DIAPH3: variants seen among roughly 807,000 people sequenced by gnomAD.
DIAPH3 encodes protein diaphanous homolog 3.
DIAPH3 carries 117 observed loss-of-function variants against 144.3 expected under a neutral mutation model. That is an observed-to-expected ratio of 0.81 (90% CI 0.70 to 0.95). The LOEUF (loss-of-function observed/expected upper bound fraction) is 0.95, where lower values mean the gene tolerates loss of function less well. DIAPH3 is among the 40% of genes least tolerant of loss of function. The pLI, the probability that DIAPH3 is intolerant of heterozygous loss-of-function variation, is 0.00. For synonymous variants in DIAPH3, 519 were observed against 488.9 expected (o/e 1.06, Z -0.81); for missense variants, 1,421 against 1,412.7 (o/e 1.01, Z -0.09).
At chr13:60,143,988 T>C (rs143982021) in intron 1 of DIAPH3, among the ~76,000 whole-genome samples, 19 of 152,320 alleles carry the variant, frequency 1.2e-4, no homozygotes, top group African/African-American at 4.3e-4. Context: ...AATGATCTCA[T>C]TTCCTTCTTC....
At chr13:59,995,491 C>T (rs2052133798) in intron 9 of DIAPH3, among the ~76,000 whole-genome samples, 1 of 151,812 alleles carries the variant, frequency 6.6e-6, no homozygotes, top group South Asian at 2.1e-4. Context: ...GCAGTTTACC[C>T]CGATATTGGC....
chr13:59,707,097 G>T (rs893305773), intron 27 of DIAPH3, among the ~76,000 whole-genome samples: 22 of 152,104 alleles, frequency 1.4e-4, no homozygotes, highest in African/African-American at 5.3e-4. Flanking sequence ...ACAAAATGAA[G>T]TCATATTCAT....
intron 23 of DIAPH3, among the ~76,000 whole-genome samples, chr13:59,833,629 T>C (rs545473999): frequency 2.0e-5 from 3 of 151,902 alleles, no homozygotes; most frequent in East Asian, 3.9e-4. Context: ...TGCAATGATA[T>C]TGAAATCAAC....
intron 26 of DIAPH3, 141 bp from the exon 27 acceptor site, chr13:59,774,389 C>T: frequency 1.4e-6 from 1 of 725,530 alleles, no homozygotes; most frequent in Non-Finnish European, 2.3e-6. Flanking sequence ...ATACTTGAAG[C>T]AGTAATGTTA....
chr13:59,831,077 T>C (rs1237202691), intron 24 of DIAPH3, among the ~76,000 whole-genome samples: 1 of 151,924 alleles, frequency 6.6e-6, no homozygotes, highest in Non-Finnish European at 1.5e-5. Context: ...GAGCTGGATA[T>C]GTTCCTTCTC....
intron 4 of DIAPH3, among the ~76,000 whole-genome samples, chr13:60,067,360 C>A (rs2141328380): frequency 6.6e-6 from 1 of 152,028 alleles, no homozygotes; most frequent in East Asian, 1.9e-4. Flanking sequence ...TTTACTCAAC[C>A]AACATTTATT....
Position 60,145,465 on chromosome 13 carries a change from G to C in DIAPH3, c.181-12476C>G, listed in dbSNP as rs112049316. 5.8e-3 allele frequency among the ~76,000 whole-genome samples: 882 copies of C among 152,258 alleles called. 8 individuals are homozygous for C. Among genetic ancestry groups the C allele is most frequent in the African/African-American group, 0.02 (832 of 41,542 alleles). On this transcript the variant is annotated intron_variant, in intron 1 of 27. Transcript: ENST00000400324. Reference sequence around the variant, plus strand: ...GATCGAGACCATCCTGGCTAACACAGTGAAACCCCGTCTCTACTAAAAAAA... The same window carrying C: ...GATCGAGACCATCCTGGCTAACACACTGAAACCCCGTCTCTACTAAAAAAA...
chr13:60,046,268 T>C lies in DIAPH3; in HGVS notation c.496-3448A>G, dbSNP rs144535583. ...TTTAGTTCATTTTATTATCACTGAA[T>C]AGGATATTATATGTCCCAATCATAA... On this transcript the variant is annotated intron_variant, in intron 4 of 27. Transcript: ENST00000400324. Among the ~76,000 whole-genome samples the C allele has an allele frequency of 8.5e-5, 13 of 152,246 alleles. No individual in the cohort carries two copies. In the East Asian group the frequency reaches 2.5e-3, roughly 29 times the overall value.
At chr13:59,810,121 A>G (rs1347561919) in intron 25 of DIAPH3, among the ~76,000 whole-genome samples, 2 of 152,132 alleles carry the variant, frequency 1.3e-5, no homozygotes, top group African/African-American at 4.8e-5. Context: ...CATGTTTACA[A>G]GAAAAAAAAA....
intron 4 of DIAPH3, among the ~76,000 whole-genome samples, chr13:60,054,996 AG>A (rs1452498221): frequency 6.6e-6 from 1 of 152,010 alleles, no homozygotes; most frequent in Non-Finnish European, 1.5e-5. Flanking sequence ...AACAAAATAA[AG>A]TTTAGCAAGG....
chr13:59,839,600 A>T, intron 22 of DIAPH3, 152 bp from the exon 23 acceptor site: 1 of 768,136 alleles, frequency 1.3e-6, no homozygotes, highest in East Asian at 3.3e-5. Flanking sequence ...TTAACCTTTC[A>T]ATTTAAAATC....
chr13:59,703,008 G>A (rs1252547667), intron 27 of DIAPH3, among the ~76,000 whole-genome samples: 1 of 152,050 alleles, frequency 6.6e-6, no homozygotes, highest in East Asian at 1.9e-4. Context: ...CACTACCAAT[G>A]TCTGGCACTC....
chr13:60,076,651 A>G (rs998493014), intron 4 of DIAPH3, among the ~76,000 whole-genome samples: 8 of 152,124 alleles, frequency 5.3e-5, no homozygotes, highest in African/African-American at 1.9e-4. Flanking sequence ...TTCTTTCCTC[A>G]TAATGTCTTA....
Position 59,990,489 on chromosome 13 carries a change from T to C in DIAPH3, c.1361+669A>G, listed in dbSNP as rs181130397. Reference sequence around the variant, plus strand: ...CTCAGCTTCCACCATAAAACAGTAATAGAAATGGAAAGTAGATATAGAGAA... The same window carrying C: ...CTCAGCTTCCACCATAAAACAGTAACAGAAATGGAAAGTAGATATAGAGAA... On this transcript the variant is annotated intron_variant, in intron 12 of 27. Coordinates refer to ENST00000400324, the MANE Select transcript of DIAPH3 (RefSeq NM_001042517.2). 6.6e-5 allele frequency among the ~76,000 whole-genome samples: 10 copies of C among 151,940 alleles called. No homozygotes were observed. In the East Asian group the frequency reaches 1.4e-3, roughly 21 times the overall value.
chr13:59,697,695 C>T (rs1260257215), intron 27 of DIAPH3, among the ~76,000 whole-genome samples: 1 of 152,018 alleles, frequency 6.6e-6, no homozygotes, highest in African/African-American at 2.4e-5. Flanking sequence ...CTGTGAGGCC[C>T]ACCATTGGAA....
chr13:60,065,391 AT>A (rs1488141545), intron 4 of DIAPH3, among the ~76,000 whole-genome samples: 1 of 152,082 alleles, frequency 6.6e-6, no homozygotes, highest in Non-Finnish European at 1.5e-5. Flanking sequence ...CTGTTCCCAA[AT>A]CTGATCTTAT....
In DIAPH3 at chr13:59,879,348, T is replaced by C; in HGVS notation, c.2488A>G (p.Ile830Val). The C allele has an allele frequency of 6.2e-7, 1 of 1,613,916 alleles. No individual in the cohort carries two copies. The highest frequency in any genetic ancestry group is 8.5e-7 in the Non-Finnish European group (1 of 1,179,856). ...IMAVSTACEEIKKSKSFSKLL... is the reference protein window; with the variant it reads ...IMAVSTACEEVKKSKSFSKLL... ...TTGCTAAAGCTTTTGCTCTTCTTTA[T>C]CTCTTCGCAGGCAGTACTGACAGCC... The change falls in exon 21 of 28, where the codon ATA becomes GTA. Residue 830 changes from isoleucine to valine, a missense_variant. Physicochemically the swap from Ile to Val is conservative, Grantham distance 29 (BLOSUM62 3). Coordinates refer to ENST00000400324, the MANE Select transcript of DIAPH3 (RefSeq NM_001042517.2).
rs190194317 is a variant in DIAPH3, at chr13:59,923,502, T to G, written c.2170+1273A>C. ...CAAATTATTTCTCATGAAGACCATA[T>G]GTTCATCACACCAGTTTCTGTTAAT... On this transcript the variant is annotated intron_variant, in intron 18 of 27. Coordinates refer to ENST00000400324, the MANE Select transcript of DIAPH3 (RefSeq NM_001042517.2). 5.7e-4 allele frequency among the ~76,000 whole-genome samples: 87 copies of G among 152,278 alleles called. 1 individual carries two copies. The East Asian group carries it at 0.015, about 27-fold the overall frequency.
In DIAPH3 at chr13:60,147,101, C is replaced by T. The variant is rs143694660; in HGVS notation, c.181-14112G>A. The stretch of plus-strand genomic sequence containing the variant: ...TAGTCTATAAGAAACACCTGACTCA[C>T]AGGTGAAGCCTCCAAGGCCCATAGG... On this transcript the variant is annotated intron_variant, in intron 1 of 27. Coordinates refer to ENST00000400324, the MANE Select transcript of DIAPH3 (RefSeq NM_001042517.2). Among the ~76,000 whole-genome samples the T allele has an allele frequency of 2.3e-3, 343 of 152,264 alleles. 2 individuals are homozygous for T. Among genetic ancestry groups the T allele is most frequent in the African/African-American group, 7.5e-3 (313 of 41,542 alleles).
Sources: gnomAD v4.1 joint callset for allele counts (sites outside exome capture counted in the v4.1 genomes callset) on GRCh38, gnomAD v4.1.1 for gene constraint, MANE v1.5 for transcripts, NCBI Gene and HGNC (gene_info 2026-07-23, HGNC 2026-07-21) for gene names.